Variants in SREBF1 observed in about 807,000 individuals in gnomAD.
SREBF1 encodes the protein sterol regulatory element-binding protein 1.
A neutral mutation model predicts 100.1 loss-of-function variants in SREBF1; 45 were observed. That is an observed-to-expected ratio of 0.45 (90% CI 0.35 to 0.58). The LOEUF (loss-of-function observed/expected upper bound fraction) is 0.58, where lower values mean the gene tolerates loss of function less well. SREBF1 is among the 20% of genes least tolerant of loss of function. The probability of loss-of-function intolerance (pLI) is 0.00; values close to 1 mark genes in which losing one functional copy is unlikely to be tolerated. For missense variants in SREBF1, 1,324 were observed against 1,539.4 expected (o/e 0.86, Z 2.34); for synonymous variants, 657 against 681.8 (o/e 0.96, Z 0.57).
Position 17,836,770 on chromosome 17 carries a change from G to GC in SREBF1, c.47dup (p.Glu17ArgfsTer26). On this transcript the variant is annotated frameshift_variant, in exon 1 of 19. Coordinates refer to ENST00000261646, the MANE Select transcript of SREBF1 (RefSeq NM_004176.5). LOFTEE classifies it high-confidence loss of function. ...GCGCCGCGTCCAGATCGCACGGCTCGCCCAGCGCCTGCTCCAAAGCCGCCT... is the reference window on the plus strand; with the variant it reads ...GCGCCGCGTCCAGATCGCACGGCTCGCCCCAGCGCCTGCTCCAAAGCCGCCT... 1.3e-6 allele frequency: 2 copies of GC among 1,569,204 alleles called. No homozygotes were observed. The highest frequency in any genetic ancestry group is 1.7e-6 in the Non-Finnish European group (2 of 1,165,600).
chr17:17,818,495 T>C (rs1484556886), intron 5 of SREBF1, 121 bp from the exon 6 acceptor site: 2 of 723,326 alleles, frequency 2.8e-6, no homozygotes, highest in Non-Finnish European at 4.9e-6. Flanking sequence ...CTCAGGACCT[T>C]TGCACTTGTT....
Position 17,812,803 on chromosome 17 carries a change from TCCGCGTGCTCCCGCCGCGTGGG to T in SREBF1, c.3241_3262del (p.Pro1081ArgfsTer119), listed in dbSNP as rs760250425. 5 of 1,509,028 alleles carry T rather than the reference TCCGCGTGCTCCCGCCGCGTGGG, an allele frequency of 3.3e-6. No homozygotes were observed. In the South Asian group the frequency reaches 3.7e-5, roughly 11 times the overall value. The allele number at this position is 1,509,028 out of a possible 1,614,324, so 93.5% of individuals were successfully genotyped here. ...GTAGCAGGAGGCCAGCAGCAAGGCC[TCCGCGTGCTCCCGCCGCGTGGG>T]CCGCGGCTCCAGCTCCGCCACCGCG... On this transcript the variant is annotated frameshift_variant, in exon 19 of 19. Transcript: ENST00000261646. LOFTEE classifies it high-confidence loss of function.
At position 17,812,560 on chromosome 17, in the gene SREBF1, A is replaced by G. The variant is rs1598106544; in HGVS notation, c.*62T>C. On this transcript the variant is annotated 3_prime_UTR_variant, in exon 19 of 19. Transcript: ENST00000261646. Reference sequence around the variant, plus strand: ...TCGGCCTTCAAAGCTTCGACGCAGGACAGAAGCTGCACGGGACCAAAGTGG... The same window carrying G: ...TCGGCCTTCAAAGCTTCGACGCAGGGCAGAAGCTGCACGGGACCAAAGTGG... The G allele has an allele frequency of 6.6e-7, 1 of 1,505,618 alleles. No homozygotes were observed. Among genetic ancestry groups the G allele is most frequent in the Non-Finnish European group, 9.0e-7 (1 of 1,107,220 alleles). 93.3% of individuals were successfully genotyped at this position (1,505,618 alleles called of 1,614,324 possible).
At position 17,812,815 on chromosome 17, in the gene SREBF1, C is replaced by T. The variant is rs1006601364; in HGVS notation, c.3251G>A (p.Arg1084Gln). The change falls in exon 19 of 19, where the codon CGG becomes CAG. Residue 1084 changes from arginine (R) to glutamine (Q), a missense_variant. Physicochemically the swap from Arg to Gln is conservative, Grantham distance 43 (BLOSUM62 1). Transcript: ENST00000261646. Reference sequence around the variant, plus strand: ...CAGCAGCAAGGCCTCCGCGTGCTCCCGCCGCGTGGGCCGCGGCTCCAGCTC... The same window carrying T: ...CAGCAGCAAGGCCTCCGCGTGCTCCTGCCGCGTGGGCCGCGGCTCCAGCTC... ...VAELEPRPTR[R>Q]EHAEALLLAS... 1.3e-6 allele frequency: 2 copies of T among 1,488,824 alleles called. No individual in the cohort carries two copies. The highest frequency in any genetic ancestry group is 1.4e-5 in the African/African-American group (1 of 70,494). The allele number at this position is 1,488,824 out of a possible 1,614,324, so 92.2% of individuals were successfully genotyped here.
Position 17,824,444 on chromosome 17 carries a change from C to G in SREBF1, c.92-3923G>C, listed in dbSNP as rs1254070165. The stretch of plus-strand genomic sequence containing the variant: ...CAGCAGTCACCAAGTGAGTCCCGAC[C>G]CACTATTCATTGTAGGGCCCTGGGA... On this transcript the variant is annotated intron_variant, in intron 1 of 18. Transcript: ENST00000261646. This position sits in a 1 kb window ranked among gnomAD's most constrained non-coding sequence, Gnocchi z 4.2. Among the ~76,000 whole-genome samples, 1 of 152,200 alleles carries G rather than the reference C, an allele frequency of 6.6e-6. No individual in the cohort carries two copies. Among genetic ancestry groups the G allele is most frequent in the African/African-American group, 2.4e-5 (1 of 41,446 alleles).
chr17:17,817,107 G>A lies in SREBF1; in HGVS notation c.1636C>T (p.Pro546Ser). 1 of 1,612,854 alleles carries A rather than the reference G, an allele frequency of 6.2e-7. No individual in the cohort carries two copies. The highest frequency in any genetic ancestry group is 8.5e-7 in the Non-Finnish European group (1 of 1,179,858). Residue 546 changes from proline to serine, a missense_variant, in exon 9 of 19, where the codon CCC becomes TCC. Physicochemically the swap from Pro to Ser is moderately conservative, Grantham distance 74. Transcript: ENST00000261646. The surrounding 1 kb of genome is among the most constrained non-coding windows in gnomAD (Gnocchi z 6.6). ...CCATTGAGCAGCCAGACCACTGGGG[G>A]CAGCAGCCACTGGGCCCAGCCAGGG... ...DGPGWAQWLL[P>S]PVVWLLNGLL...
At chr17:17,830,073 GA>G (rs2034764010) in intron 1 of SREBF1, among the ~76,000 whole-genome samples, 1 of 152,254 alleles carries the variant, frequency 6.6e-6, no homozygotes, top group Non-Finnish European at 1.5e-5. Flanking sequence ...TCAGAACTTG[GA>G]ACCATAGCCT....
chr17:17,823,569 C>T, intron 1 of SREBF1: 1 of 1,613,534 alleles, frequency 6.2e-7, no homozygotes, highest in South Asian at 1.1e-5. Flanking sequence ...CTTGGGGCGT[C>T]CAGGCCGTTG....
Position 17,816,438 on chromosome 17 carries a change from GC to G in SREBF1, c.2047+18del. The G allele has an allele frequency of 6.2e-7, 1 of 1,603,950 alleles. No homozygotes were observed. The highest frequency in any genetic ancestry group is 1.1e-5 in the South Asian group (1 of 89,582). On this transcript the variant is annotated intron_variant, in intron 10 of 18. Transcript: ENST00000261646. ...GGCAGCAGGGAGCACCTCGGAGCCC[GC>G]CCCACGCTCAGTCCTACCCATGGTG...
In SREBF1 at chr17:17,836,967, C is replaced by A; in HGVS notation, c.-150G>T. On this transcript the variant is annotated 5_prime_UTR_variant, in exon 1 of 19. Coordinates refer to ENST00000261646, the MANE Select transcript of SREBF1 (RefSeq NM_004176.5). Reference sequence around the variant, plus strand: ...GGCCTCAGAGGCGGCCCGGCGCCGGCGAAAAGTTCCTCGGAAACTGGGTTC... The same window carrying A: ...GGCCTCAGAGGCGGCCCGGCGCCGGAGAAAAGTTCCTCGGAAACTGGGTTC... 1 of 612,982 alleles carries A rather than the reference C, an allele frequency of 1.6e-6. No homozygotes were observed. Among genetic ancestry groups the A allele is most frequent in the Non-Finnish European group, 2.5e-6 (1 of 394,072 alleles). 38.0% of individuals were successfully genotyped at this position (612,982 alleles called of 1,614,324 possible).
intron 9 of SREBF1, 48 bp from the exon 10 acceptor site, chr17:17,816,766 G>T: frequency 6.4e-7 from 1 of 1,566,820 alleles, no homozygotes. Context: ...CAGAGCAGCT[G>T]CCCCAAAGCT....
In SREBF1 at chr17:17,812,129, A is replaced by G. The variant is rs1439653927; in HGVS notation, c.*493T>C. 4.7e-6 allele frequency: 2 copies of G among 424,072 alleles called. No individual in the cohort carries two copies. The highest frequency in any genetic ancestry group is 9.1e-6 in the Non-Finnish European group (2 of 220,612). 26.3% of individuals were successfully genotyped at this position (424,072 alleles called of 1,614,324 possible). On this transcript the variant is annotated 3_prime_UTR_variant, in exon 19 of 19. Coordinates refer to ENST00000261646, the MANE Select transcript of SREBF1 (RefSeq NM_004176.5). ...TGTACAAAACTTCTCAATCTATGAA[A>G]ATAAAGTTTGCAAAAGGCAAAGTAG...
chr17:17,813,876 C>T, intron 16 of SREBF1, 107 bp from the exon 17 acceptor site: 1 of 1,141,526 alleles, frequency 8.8e-7, no homozygotes, highest in Middle Eastern at 2.7e-4. Context: ...TGCCGAGGCA[C>T]TGCACCCGCC....
chr17:17,831,166 G>A (rs1455484900), intron 1 of SREBF1, among the ~76,000 whole-genome samples: 2 of 151,744 alleles, frequency 1.3e-5, no homozygotes, highest in African/African-American at 4.9e-5. Flanking sequence ...CTGTAAGCTA[G>A]GGCAGTAACT....
intron 1 of SREBF1, among the ~76,000 whole-genome samples, chr17:17,825,638 G>T: frequency 7.0e-6 from 1 of 142,024 alleles, no homozygotes. Context: ...GACAGAGTCT[G>T]GCTCTGTCAC....
chr17:17,819,848 C>T, intron 2 of SREBF1, 123 bp from the exon 3 acceptor site: 1 of 1,333,676 alleles, frequency 7.5e-7, no homozygotes, highest in Non-Finnish European at 1.0e-6. Flanking sequence ...TTCCTATGGA[C>T]AGTCCCTGCC....
At position 17,817,986 on chromosome 17, in the gene SREBF1, T is replaced by G; in HGVS notation, c.1184-70A>C. 1 of 1,478,644 alleles carries G rather than the reference T, an allele frequency of 6.8e-7. No homozygotes were observed. The highest frequency in any genetic ancestry group is 9.3e-7 in the Non-Finnish European group (1 of 1,070,382). The allele number at this position is 1,478,644 out of a possible 1,614,324, so 91.6% of individuals were successfully genotyped here. ...TGACCCCAAATCAGAGCCTAGGCCC[T>G]TGGAGGCCTAGGGACTACTGTAGCT... On this transcript the variant is annotated intron_variant, in intron 6 of 18. Transcript: ENST00000261646. The surrounding 1 kb of genome is among the most constrained non-coding windows in gnomAD (Gnocchi z 6.6).
Position 17,815,280 on chromosome 17 carries a change from C to G in SREBF1, c.2433G>C (p.Glu811Asp). 1 of 1,613,712 alleles carries G rather than the reference C, an allele frequency of 6.2e-7. No individual in the cohort carries two copies. Among genetic ancestry groups the G allele is most frequent in the Non-Finnish European group, 8.5e-7 (1 of 1,180,010 alleles). The change falls in exon 13 of 19, where the codon GAG (glutamate) becomes GAC (aspartate). Residue 811 changes from glutamate (E) to aspartate (D), a missense_variant. Physicochemically the swap from Glu to Asp is conservative, Grantham distance 45. Coordinates refer to ENST00000261646, the MANE Select transcript of SREBF1 (RefSeq NM_004176.5). ...VTQLFREHLL[E>D]RALNCVTQPN... The stretch of plus-strand genomic sequence containing the variant: ...GCTGGGTCACACAGTTCAGTGCTCG[C>G]TCTAAGAGATGTTCCCGGAATAGCT...
chr17:17,817,041 C>T lies in SREBF1; in HGVS notation c.1702G>A (p.Gly568Ser), dbSNP rs779068780. 13 of 1,613,022 alleles carry T rather than the reference C, an allele frequency of 8.1e-6. No individual in the cohort carries two copies. The highest frequency in any genetic ancestry group is 5.1e-6 in the Non-Finnish European group (6 of 1,180,034). Residue 568 changes from glycine to serine, a missense_variant, in exon 9 of 19, where the codon GGT (glycine) becomes AGT (serine). Coordinates refer to ENST00000261646, the MANE Select transcript of SREBF1 (RefSeq NM_004176.5). This position sits in a 1 kb window ranked among gnomAD's most constrained non-coding sequence, Gnocchi z 6.6. ...LVSLVLLFVY[G>S]EPVTRPHSGP... Reference sequence around the variant, plus strand: ...GAGTGGGGCCGTGTGACTGGCTCACCGTAGACAAAGAGAAGCACCAAGGAG... The same window carrying T: ...GAGTGGGGCCGTGTGACTGGCTCACTGTAGACAAAGAGAAGCACCAAGGAG...
Sources: gnomAD v4.1 joint callset for allele counts (sites outside exome capture counted in the v4.1 genomes callset) on GRCh38, gnomAD v4.1.1 for gene constraint, Gnocchi (gnomAD v3.1) non-coding constraint, MANE v1.5 for transcripts, NCBI Gene and HGNC (gene_info 2026-07-23, HGNC 2026-07-21) for gene names.